The following ARHGAP24 variants were observed in gnomAD, a reference collection of about 807,000 sequenced individuals.
The protein encoded by ARHGAP24 is rho GTPase-activating protein 24.
A neutral mutation model predicts 76.4 loss-of-function variants in ARHGAP24; 50 were observed. The ratio of observed to expected loss-of-function variants is 0.65; its 90% confidence interval spans 0.52 to 0.83. ARHGAP24 has a LOEUF of 0.83. Ranked by LOEUF, ARHGAP24 falls within the 40% of genes least tolerant of loss-of-function variation. ARHGAP24 has a pLI of 0.00. For missense variants in ARHGAP24, 930 were observed against 914.2 expected (o/e 1.02, Z -0.22); for synonymous variants, 345 against 323.3 (o/e 1.07, Z -0.72).
chr4:85,485,092 C>T (rs1210404333), intron 1 of ARHGAP24, among the ~76,000 whole-genome samples: 1 of 151,446 alleles, frequency 6.6e-6, no homozygotes, highest in Non-Finnish European at 1.5e-5. Flanking sequence ...CGCCTGTAAG[C>T]CCAGCACTTT....
intron 3 of ARHGAP24, among the ~76,000 whole-genome samples, chr4:85,855,429 G>A (rs1172163305): frequency 6.6e-6 from 1 of 152,196 alleles, no homozygotes; most frequent in Non-Finnish European, 1.5e-5. Flanking sequence ...TCTGATGACT[G>A]GGTGTGGTGG....
chr4:85,545,423 A>G (rs943080064), intron 1 of ARHGAP24, among the ~76,000 whole-genome samples: 1 of 152,150 alleles, frequency 6.6e-6, no homozygotes, highest in Non-Finnish European at 1.5e-5. Context: ...TTAAAGGCAA[A>G]AAGTACTATG....
At chr4:85,594,929 A>T (rs555665650) in intron 2 of ARHGAP24, among the ~76,000 whole-genome samples, 5 of 152,172 alleles carry the variant, frequency 3.3e-5, no homozygotes, top group African/African-American at 1.2e-4. Context: ...TAGAAAAATG[A>T]ATTTAAGTAC....
intron 3 of ARHGAP24, among the ~76,000 whole-genome samples, chr4:85,837,893 G>A (rs892729066): frequency 1.3e-5 from 2 of 152,050 alleles, no homozygotes; most frequent in East Asian, 1.9e-4. Flanking sequence ...TAGATTCCTC[G>A]ATCGGTATTG....
intron 2 of ARHGAP24, among the ~76,000 whole-genome samples, chr4:85,643,235 T>G (rs61182606): frequency 0.31 from 781 of 2,560 alleles, 77 homozygotes; most frequent in African/African-American, 0.47. Context: ...TTTTTTTGTG[T>G]TTTTTTTTTT....
At chr4:85,949,568 C>G (rs1251906448) in intron 5 of ARHGAP24, among the ~76,000 whole-genome samples, 1 of 152,128 alleles carries the variant, frequency 6.6e-6, no homozygotes, top group African/African-American at 2.4e-5. Context: ...CAGGGCTCCT[C>G]CCTATAGCTG....
intron 3 of ARHGAP24, among the ~76,000 whole-genome samples, chr4:85,804,080 T>C (rs1460987615): frequency 1.3e-5 from 2 of 152,076 alleles, no homozygotes; most frequent in Non-Finnish European, 2.9e-5. Context: ...GCCTCCTGAG[T>C]AGCTGGGCTT....
At chr4:85,862,588 GGCTCACCCC>G (rs1278459207) in intron 3 of ARHGAP24, among the ~76,000 whole-genome samples, 1 of 151,972 alleles carries the variant, frequency 6.6e-6, no homozygotes, top group African/African-American at 2.4e-5. Flanking sequence ...GCTTTAACAG[GGCTCACCCC>G]CTACTCTGAA....
chr4:85,757,066 T>A (rs552065002), intron 3 of ARHGAP24, among the ~76,000 whole-genome samples: 2 of 152,136 alleles, frequency 1.3e-5, no homozygotes, highest in Admixed American at 6.5e-5. Context: ...GGCCAGATAA[T>A]CTTTCTGAGC....
intron 2 of ARHGAP24, among the ~76,000 whole-genome samples, chr4:85,613,866 T>C (rs190713428): frequency 6.6e-6 from 1 of 152,254 alleles, no homozygotes; most frequent in Admixed American, 6.5e-5. Flanking sequence ...CAGTGATACA[T>C]ATATTAGGTT....
chr4:85,700,388 T>G (rs1724031484), intron 2 of ARHGAP24, among the ~76,000 whole-genome samples: 2 of 131,228 alleles, frequency 1.5e-5, no homozygotes, highest in South Asian at 2.5e-4. Flanking sequence ...AGAGTGAGAT[T>G]CTGTCTAAAA....
Position 85,841,441 on chromosome 4 carries a change from T to A in ARHGAP24, c.269-82207T>A, listed in dbSNP as rs188608763. Among the ~76,000 whole-genome samples the A allele has an allele frequency of 1.4e-4, 21 of 152,340 alleles. No individual in the cohort carries two copies. The East Asian group carries it at 3.9e-3, about 28-fold the overall frequency. On this transcript the variant is annotated intron_variant, in intron 3 of 9. Coordinates refer to ENST00000395184, the MANE Select transcript of ARHGAP24 (RefSeq NM_001025616.3). ...CTAATCGCTTCAATTTCCTCATCTA[T>A]GAAATGGGAATTGTAGAACTTAACT...
intron 2 of ARHGAP24, among the ~76,000 whole-genome samples, chr4:85,631,894 A>G (rs12641068): frequency 0.27 from 40,310 of 151,942 alleles, 7,481 homozygotes; most frequent in East Asian, 0.84. Flanking sequence ...AAATGATTTG[A>G]TATTTTTACC....
chr4:85,749,494 A>T (rs1726176838), intron 3 of ARHGAP24, among the ~76,000 whole-genome samples: 1 of 152,210 alleles, frequency 6.6e-6, no homozygotes, highest in African/African-American at 2.4e-5. Context: ...ATCTTGTCGG[A>T]TTGTCAAACT....
At chr4:85,779,965 T>C (rs1405090943) in intron 3 of ARHGAP24, among the ~76,000 whole-genome samples, 1 of 152,230 alleles carries the variant, frequency 6.6e-6, no homozygotes, top group East Asian at 1.9e-4. Flanking sequence ...ATTTAGCCAC[T>C]TGTGGATCAT....
chr4:85,585,682 C>T (rs1439507632), intron 2 of ARHGAP24, among the ~76,000 whole-genome samples: 2 of 152,112 alleles, frequency 1.3e-5, no homozygotes, highest in Non-Finnish European at 2.9e-5. Flanking sequence ...TTTCATTTTC[C>T]TTATTCCATC....
chr4:85,932,533 T>C (rs1736395697), intron 4 of ARHGAP24, among the ~76,000 whole-genome samples: 1 of 151,570 alleles, frequency 6.6e-6, no homozygotes, highest in African/African-American at 2.4e-5. Context: ...CCCTTTCTCC[T>C]TAAATACTAA....
chr4:85,622,366 G>A (rs868328968), intron 2 of ARHGAP24, among the ~76,000 whole-genome samples: 11 of 150,636 alleles, frequency 7.3e-5, no homozygotes, highest in African/African-American at 1.5e-4. Context: ...TTGTCCTTGC[G>A]ATAGTTTGCT....
intron 2 of ARHGAP24, among the ~76,000 whole-genome samples, chr4:85,606,366 G>A (rs4693715): frequency 0.94 from 142,840 of 152,104 alleles, 67,150 homozygotes; most frequent in African/African-American, 0.98. Flanking sequence ...CAAAAAAATT[G>A]ACTGGGCGTG....
Sources: gnomAD v4.1 joint callset for allele counts (sites outside exome capture counted in the v4.1 genomes callset) on GRCh38, gnomAD v4.1.1 for gene constraint, MANE v1.5 for transcripts, NCBI Gene and HGNC (gene_info 2026-07-23, HGNC 2026-07-21) for gene names.